Variants in DLG2 observed in about 807,000 individuals in gnomAD.
DLG2 encodes discs large MAGUK scaffold protein 2, also known as disks large homolog 2.
In DLG2, 45 loss-of-function variants were observed where a neutral mutation model predicts 132.5. The observed-to-expected ratio is 0.34, with a 90% CI of 0.27 to 0.44. The LOEUF is 0.44. Ranked by LOEUF, DLG2 falls within the 20% of genes least tolerant of loss-of-function variation. The pLI is 1.00. For synonymous variants in DLG2, 424 were observed against 419.6 expected, an observed-to-expected ratio of 1.01 and a Z score of -0.13; for missense variants, 1,045 against 1,196.9, an observed-to-expected ratio of 0.87 and a Z score of 1.87.
intron 6 of DLG2, among the ~76,000 whole-genome samples, chr11:84,832,013 G>A (rs1566085073): frequency 6.6e-6 from 1 of 151,632 alleles, no homozygotes; most frequent in Non-Finnish European, 1.5e-5. Flanking sequence ...AAAAAGTATT[G>A]TGGCTAAGCA....
intron 3 of DLG2, among the ~76,000 whole-genome samples, chr11:85,516,560 G>A (rs910686765): frequency 2.6e-5 from 4 of 151,832 alleles, no homozygotes; most frequent in Non-Finnish European, 5.9e-5. Flanking sequence ...CAAGAAGAGA[G>A]ACAATTCAAT....
At chr11:84,373,875 G>C (rs890763240) in intron 7 of DLG2, among the ~76,000 whole-genome samples, 1 of 152,004 alleles carries the variant, frequency 6.6e-6, no homozygotes, top group African/African-American at 2.4e-5. Context: ...AGGTAACACT[G>C]GATCTAATCT....
chr11:84,939,932 T>C (rs2049185308), intron 6 of DLG2, among the ~76,000 whole-genome samples: 1 of 152,198 alleles, frequency 6.6e-6, no homozygotes. Flanking sequence ...TTCTTTTGGG[T>C]ATATACCTAT....
chr11:84,726,395 G>T (rs1370421245), intron 6 of DLG2, among the ~76,000 whole-genome samples: 1 of 152,086 alleles, frequency 6.6e-6, no homozygotes, highest in Non-Finnish European at 1.5e-5. Flanking sequence ...ATAGTTTGCT[G>T]AGAATTGTGG....
intron 6 of DLG2, among the ~76,000 whole-genome samples, chr11:84,713,834 C>T (rs963692796): frequency 6.6e-6 from 1 of 151,844 alleles, no homozygotes; most frequent in African/African-American, 2.4e-5. Context: ...AGACTTATTC[C>T]CCAAGATGTT....
intron 21 of DLG2, among the ~76,000 whole-genome samples, chr11:83,485,395 AT>A (rs2093437373): frequency 6.6e-6 from 1 of 152,138 alleles, no homozygotes; most frequent in Non-Finnish European, 1.5e-5. Flanking sequence ...GGTCTTACTA[AT>A]TTCATATTCA....
chr11:84,352,319 T>C (rs924402385), intron 7 of DLG2, among the ~76,000 whole-genome samples: 2 of 152,098 alleles, frequency 1.3e-5, no homozygotes, highest in African/African-American at 4.8e-5. Context: ...GGGGTAATAA[T>C]ACACACACCA....
chr11:83,643,864 A>T (rs1179274934), intron 18 of DLG2: 1 of 151,310 alleles, frequency 6.6e-6, no homozygotes, highest in Non-Finnish European at 1.5e-5. Flanking sequence ...TCCTACATTG[A>T]TTCTAGACTT....
intron 18 of DLG2, among the ~76,000 whole-genome samples, chr11:83,634,237 T>A (rs1186937018): frequency 6.6e-6 from 1 of 152,056 alleles, no homozygotes; most frequent in East Asian, 1.9e-4. Context: ...GATAAAAAAA[T>A]CAAAGAAATC....
chr11:85,530,963 G>T (rs1466180905), intron 3 of DLG2, among the ~76,000 whole-genome samples: 2 of 152,166 alleles, frequency 1.3e-5, no homozygotes, highest in African/African-American at 4.8e-5. Context: ...GGACCACTCA[G>T]AACTTCTTAG....
At chr11:84,001,295 C>G (rs1284502785) in intron 11 of DLG2, among the ~76,000 whole-genome samples, 3 of 147,666 alleles carry the variant, frequency 2.0e-5, no homozygotes, top group Non-Finnish European at 3.0e-5. Context: ...GAGTAGCGAT[C>G]CTTATATTGG....
At chr11:85,236,243 C>A (rs2075580286) in intron 4 of DLG2, among the ~76,000 whole-genome samples, 1 of 151,956 alleles carries the variant, frequency 6.6e-6, no homozygotes, top group East Asian at 1.9e-4. Flanking sequence ...TCGTCCAGTG[C>A]CAACAGTATT....
intron 7 of DLG2, among the ~76,000 whole-genome samples, chr11:84,448,220 C>G (rs1316122907): frequency 6.6e-6 from 1 of 152,026 alleles, no homozygotes; most frequent in Non-Finnish European, 1.5e-5. Flanking sequence ...CTAGCTATCT[C>G]AACAACAGAA....
intron 7 of DLG2, among the ~76,000 whole-genome samples, chr11:84,330,342 C>G (rs968266515): frequency 6.6e-6 from 1 of 151,974 alleles, no homozygotes; most frequent in Non-Finnish European, 1.5e-5. Flanking sequence ...CCACCATCAC[C>G]AACATATCTA....
chr11:84,136,819 G>C (rs1359612184), intron 9 of DLG2, among the ~76,000 whole-genome samples: 1 of 152,072 alleles, frequency 6.6e-6, no homozygotes, highest in Admixed American at 6.6e-5. Flanking sequence ...CAATAAAACA[G>C]GAGATTCATT....
chr11:84,911,102 G>T (rs892151494), intron 6 of DLG2, among the ~76,000 whole-genome samples: 3 of 152,040 alleles, frequency 2.0e-5, no homozygotes, highest in African/African-American at 4.8e-5. Flanking sequence ...TAATATTCTA[G>T]AATTCACAAA....
intron 15 of DLG2, among the ~76,000 whole-genome samples, chr11:83,886,656 C>T (rs1204808658): frequency 6.6e-6 from 1 of 151,544 alleles, no homozygotes; most frequent in East Asian, 1.9e-4. Flanking sequence ...TTTTTTTCAG[C>T]ACCACACCAC....
chr11:85,291,156 A>G (rs900431823), intron 3 of DLG2, among the ~76,000 whole-genome samples: 33 of 152,124 alleles, frequency 2.2e-4, no homozygotes, highest in African/African-American at 7.7e-4. Context: ...CACTAGGCAA[A>G]CTTCAAATAT....
rs2081985630 is a variant in DLG2, at chr11:84,849,977, C to T, written c.357+261684G>A. Among the ~76,000 whole-genome samples, 2 of 152,052 alleles carry T rather than the reference C, an allele frequency of 1.3e-5. 1 individual carries two copies. The highest frequency in any genetic ancestry group is 4.1e-4 in the South Asian group (2 of 4,824). The stretch of plus-strand genomic sequence containing the variant: ...ATTTATTATGATATCTAACTGCCTC[C>T]AGAAAACGATTTTCTTTTACAAAAT... On this transcript the variant is annotated intron_variant, in intron 6 of 27. Transcript: ENST00000376104.
Sources: gnomAD v4.1 joint callset for allele counts (sites outside exome capture counted in the v4.1 genomes callset) on GRCh38, gnomAD v4.1.1 for gene constraint, MANE v1.5 for transcripts, NCBI Gene and HGNC (gene_info 2026-07-23, HGNC 2026-07-21) for gene names.